Variants in ZNF804B observed in about 807,000 individuals in gnomAD.
The protein encoded by ZNF804B is zinc finger protein 804B, also known as zinc finger 804B.
A neutral mutation model predicts 101.4 loss-of-function variants in ZNF804B; 80 were observed. That is an observed-to-expected ratio of 0.79 (90% CI 0.66 to 0.95). The LOEUF (loss-of-function observed/expected upper bound fraction) is 0.95. Among genes scored for constraint, ZNF804B ranks in the 40% least tolerant of loss-of-function variants. ZNF804B has a pLI of 0.00. For missense variants in ZNF804B, 1,673 were observed against 1,561.9 expected (o/e 1.07, Z -1.20); for synonymous variants, 622 against 558.8 (o/e 1.11, Z -1.59).
At chr7:88,823,843 G>A (rs73200624) in intron 1 of ZNF804B, among the ~76,000 whole-genome samples, 26,236 of 151,928 alleles carry the variant, frequency 0.17, 2,326 homozygotes, top group African/African-American at 0.24. Context: ...CAGTAAAAAA[G>A]AAAAGCACTG....
chr7:89,083,174 A>G (rs1562879706), intron 1 of ZNF804B, among the ~76,000 whole-genome samples: 1 of 151,758 alleles, frequency 6.6e-6, no homozygotes, highest in Non-Finnish European at 1.5e-5. Context: ...ACTGCCACAA[A>G]ATTTGAAATT....
intron 1 of ZNF804B, among the ~76,000 whole-genome samples, chr7:88,817,988 T>C (rs139767732): frequency 2.1e-4 from 32 of 152,242 alleles, no homozygotes; most frequent in African/African-American, 6.7e-4. Context: ...GATAATTTTG[T>C]GAGATGAGGC....
At chr7:89,220,176 T>TGC (rs369987591) in intron 2 of ZNF804B, among the ~76,000 whole-genome samples, 968 of 61,490 alleles carry the variant, frequency 0.016, 76 homozygotes, top group African/African-American at 0.022. Flanking sequence ...CATATATATG[T>TGC]GTGTATATAT....
chr7:88,933,280 T>C (rs1476348163), intron 1 of ZNF804B, among the ~76,000 whole-genome samples: 1 of 151,822 alleles, frequency 6.6e-6, no homozygotes, highest in Non-Finnish European at 1.5e-5. Flanking sequence ...CAAATAGACA[T>C]AGTAGAAACT....
chr7:88,808,068 T>C (rs1315930130), intron 1 of ZNF804B, among the ~76,000 whole-genome samples: 1 of 152,072 alleles, frequency 6.6e-6, no homozygotes, highest in Non-Finnish European at 1.5e-5. Flanking sequence ...CAGGCTTACA[T>C]TCAAATATGT....
chr7:88,978,000 A>G (rs10243825), intron 1 of ZNF804B, among the ~76,000 whole-genome samples: 16,146 of 151,820 alleles, frequency 0.11, 948 homozygotes, highest in Non-Finnish European at 0.12. Context: ...GTTGTCATTC[A>G]GGAACATATT....
intron 1 of ZNF804B, among the ~76,000 whole-genome samples, chr7:89,081,315 T>C (rs539109893): frequency 5.9e-5 from 9 of 152,028 alleles, no homozygotes; most frequent in African/African-American, 2.2e-4. Context: ...TCAGGTGTTC[T>C]TCAGAAATAA....
At chr7:89,205,396 G>A (rs1788700563) in intron 1 of ZNF804B, among the ~76,000 whole-genome samples, 1 of 152,120 alleles carries the variant, frequency 6.6e-6, no homozygotes, top group African/African-American at 2.4e-5. Flanking sequence ...TCTCATCTGA[G>A]AAAAGGCAAG....
In ZNF804B at chr7:89,102,344, CTGTTT is replaced by C. The variant is rs569257879; in HGVS notation, c.109-115795_109-115791del. Among the ~76,000 whole-genome samples, 393 of 151,748 alleles carry C rather than the reference CTGTTT, an allele frequency of 2.6e-3. 1 individual carries two copies. Among genetic ancestry groups the C allele is most frequent in the African/African-American group, 8.5e-3 (352 of 41,472 alleles). On this transcript the variant is annotated intron_variant, in intron 1 of 3. Transcript: ENST00000333190. ...CATATCTGTGCCAATGTTTGTTTTT[CTGTTT>C]TGTTTTGTTTTGTTTACTTTTTAAT...
At chr7:89,052,720 C>G (rs1789225925) in intron 1 of ZNF804B, among the ~76,000 whole-genome samples, 5 of 152,068 alleles carry the variant, frequency 3.3e-5, no homozygotes. Flanking sequence ...CTTTCCTATC[C>G]AAGCATTGCC....
At chr7:89,175,541 G>C (rs1791304540) in intron 1 of ZNF804B, among the ~76,000 whole-genome samples, 1 of 149,044 alleles carries the variant, frequency 6.7e-6, no homozygotes, top group South Asian at 2.2e-4. Flanking sequence ...GCTCAGGATA[G>C]CTTTGGCTAT....
At chr7:89,331,965 T>G (rs1370626985) in intron 3 of ZNF804B, among the ~76,000 whole-genome samples, 1 of 151,410 alleles carries the variant, frequency 6.6e-6, no homozygotes, top group East Asian at 1.9e-4. Context: ...TAATCAACCT[T>G]AACTATGTTC....
chr7:88,875,870 TA>T (rs1317295257), intron 1 of ZNF804B, among the ~76,000 whole-genome samples: 3 of 152,208 alleles, frequency 2.0e-5, no homozygotes, highest in African/African-American at 7.2e-5. Flanking sequence ...AAGAGAATTT[TA>T]GACCAATATC....
intron 1 of ZNF804B, among the ~76,000 whole-genome samples, chr7:89,162,930 T>G (rs968668375): frequency 5.6e-5 from 8 of 143,458 alleles, no homozygotes; most frequent in Non-Finnish European, 9.3e-5. Flanking sequence ...GGTGTTCGGT[T>G]TTTTGTTCTT....
In ZNF804B at chr7:89,170,908, C is replaced by A. The variant is rs1791213795; in HGVS notation, c.109-47247C>A. Among the ~76,000 whole-genome samples the A allele has an allele frequency of 2.0e-5, 3 of 152,168 alleles. 1 individual carries two copies. Among genetic ancestry groups the A allele is most frequent in the African/African-American group, 7.2e-5 (3 of 41,446 alleles). On this transcript the variant is annotated intron_variant, in intron 1 of 3. Transcript: ENST00000333190. The stretch of plus-strand genomic sequence containing the variant: ...ACAATACTTTGCTCATTCAGAAACC[C>A]AACCATTTTTTTACTCATCTTTCAC...
chr7:89,090,139 A>T (rs1193604564), intron 1 of ZNF804B, among the ~76,000 whole-genome samples: 4 of 152,078 alleles, frequency 2.6e-5, no homozygotes, highest in Admixed American at 2.6e-4. Flanking sequence ...AATTAATAAT[A>T]GATAACATTT....
chr7:88,971,823 T>C (rs1304048381), intron 1 of ZNF804B, among the ~76,000 whole-genome samples: 1 of 151,562 alleles, frequency 6.6e-6, no homozygotes. Context: ...AGAATGTGCA[T>C]TCACTCTGTG....
At chr7:88,838,758 T>TTTCA (rs1791253069) in intron 1 of ZNF804B, among the ~76,000 whole-genome samples, 1 of 152,024 alleles carries the variant, frequency 6.6e-6, no homozygotes, top group East Asian at 1.9e-4. Context: ...CTGAGAGAAA[T>TTTCA]AGAATCTATC....
intron 1 of ZNF804B, among the ~76,000 whole-genome samples, chr7:88,867,405 T>A (rs577908339): frequency 6.6e-6 from 1 of 151,812 alleles, no homozygotes; most frequent in East Asian, 1.9e-4. Flanking sequence ...GAACCTGGAG[T>A]TTTAATATCC....
Sources: gnomAD v4.1 joint callset for allele counts (sites outside exome capture counted in the v4.1 genomes callset) on GRCh38, gnomAD v4.1.1 for gene constraint, MANE v1.5 for transcripts, NCBI Gene and HGNC (gene_info 2026-07-23, HGNC 2026-07-21) for gene names.